SLC25A36: variants seen among roughly 807,000 people sequenced by gnomAD.
The protein encoded by SLC25A36 is epididymis secretory sperm binding protein.
In SLC25A36, 24 loss-of-function variants were observed where a neutral mutation model predicts 35.3. The ratio of observed to expected loss-of-function variants is 0.68; its 90% confidence interval spans 0.49 to 0.96. The LOEUF is 0.96. SLC25A36 is among the 40% of genes least tolerant of loss of function. The pLI is 0.00. For synonymous variants in SLC25A36, 141 were observed against 132.2 expected, an observed-to-expected ratio of 1.07 and a Z score of -0.46; for missense variants, 294 against 381.1, an observed-to-expected ratio of 0.77 and a Z score of 1.90.
intron 3 of SLC25A36, among the ~76,000 whole-genome samples, chr3:140,962,902 G>A (rs1934666474): frequency 6.6e-6 from 1 of 151,698 alleles, no homozygotes. Context: ...TCTGTTTGAG[G>A]ATGAATGGTA....
At chr3:140,975,621 A>G (rs933988460) in intron 6 of SLC25A36, among the ~76,000 whole-genome samples, 6 of 152,198 alleles carry the variant, frequency 3.9e-5, no homozygotes, top group African/African-American at 1.4e-4. Context: ...CAACTGGCCA[A>G]AATTTCTCAG....
At chr3:140,966,626 A>G (rs909416700) in intron 4 of SLC25A36, among the ~76,000 whole-genome samples, 6 of 151,650 alleles carry the variant, frequency 4.0e-5, no homozygotes, top group African/African-American at 1.5e-4. Context: ...ATGGGAGATG[A>G]TGATCCCCTC....
chr3:140,964,695 G>C (rs1259357263), intron 4 of SLC25A36: 2 of 151,742 alleles, frequency 1.3e-5, no homozygotes, highest in African/African-American at 4.8e-5. Context: ...TATAACCTCA[G>C]ATAATTATAA....
rs1311430176 is a variant in SLC25A36 at position 140,976,402 on chromosome 3, A to G, written c.885A>G (p.Thr295=). The G allele has an allele frequency of 1.9e-6, 3 of 1,613,854 alleles. No individual in the cohort carries two copies. Among genetic ancestry groups the G allele is most frequent in the East Asian group, 2.2e-5 (1 of 44,864 alleles). Residue 295 remains threonine (T), a synonymous_variant, in exon 7 of 7, where the codon ACA becomes ACG. Transcript: ENST00000324194. ...TTHLVRQIPN[T]AIMMATYELV... is the part of the protein sequence containing the mutation. ...ATCTAGTGAGACAGATTCCAAACAC[A>G]GCCATTATGATGGCCACCTATGAAT...
chr3:140,948,754 A>G (rs902909619), intron 1 of SLC25A36, among the ~76,000 whole-genome samples: 1 of 152,176 alleles, frequency 6.6e-6, no homozygotes, highest in African/African-American at 2.4e-5. Flanking sequence ...TTGAGGACAT[A>G]TATCTAACAG....
chr3:140,947,374 A>G (rs1559809502), intron 1 of SLC25A36, among the ~76,000 whole-genome samples: 1 of 151,930 alleles, frequency 6.6e-6, no homozygotes. Flanking sequence ...CCTATAATGG[A>G]TTTTTTTTAT....
chr3:140,967,653 A>G (rs2107807961), intron 4 of SLC25A36, among the ~76,000 whole-genome samples: 1 of 152,116 alleles, frequency 6.6e-6, no homozygotes. Context: ...ATTTTCAGCA[A>G]GTTTAAGCAG....
rs1399415191 is a variant in SLC25A36, at chr3:140,960,089, T to C, written c.284+549T>C. 2.0e-5 allele frequency among the ~76,000 whole-genome samples: 3 copies of C among 152,164 alleles called. No homozygotes were observed. The East Asian group carries it at 5.8e-4, about 29-fold the overall frequency. On this transcript the variant is annotated intron_variant, in intron 3 of 6. Coordinates refer to ENST00000324194, the MANE Select transcript of SLC25A36 (RefSeq NM_001104647.3). The stretch of plus-strand genomic sequence containing the variant: ...ACTAGGAGATATAAAATTACTAATA[T>C]TTGCAGGATAAATGGAAATACTCTC...
At chr3:140,967,851 C>A in intron 4 of SLC25A36, 1 of 354,058 alleles carries the variant, frequency 2.8e-6, no homozygotes, top group Non-Finnish European at 3.9e-6. Context: ...AATATTAGTT[C>A]TTCTTAACTT....
At chr3:140,958,950 A>T (rs1934551477) in intron 2 of SLC25A36, among the ~76,000 whole-genome samples, 2 of 149,016 alleles carry the variant, frequency 1.3e-5, no homozygotes, top group South Asian at 4.2e-4. Context: ...TGTCATGAAA[A>T]AACAATGTTT....
intron 6 of SLC25A36, 101 bp from the exon 7 acceptor site, chr3:140,976,159 C>G (rs1010401689): frequency 1.7e-5 from 13 of 777,730 alleles, no homozygotes; most frequent in Admixed American, 1.6e-4. Flanking sequence ...CTTTTTTATC[C>G]TGAGCTTACA....
chr3:140,969,470 CTT>C (rs1297977594), intron 4 of SLC25A36, among the ~76,000 whole-genome samples: 1 of 151,746 alleles, frequency 6.6e-6, no homozygotes, highest in Non-Finnish European at 1.5e-5. Context: ...AATATATAAT[CTT>C]TATAAAAGTA....
chr3:140,949,504 A>G (rs1407597554), intron 1 of SLC25A36, among the ~76,000 whole-genome samples: 1 of 152,220 alleles, frequency 6.6e-6, no homozygotes, highest in Non-Finnish European at 1.5e-5. Flanking sequence ...TGACTCACCA[A>G]GCGATCTTGG....
At chr3:140,953,629 T>G (rs151278889) in intron 1 of SLC25A36, among the ~76,000 whole-genome samples, 1 of 152,196 alleles carries the variant, frequency 6.6e-6, no homozygotes, top group African/African-American at 2.4e-5. Flanking sequence ...TATTGACTTT[T>G]GGCAGATGTA....
chr3:140,969,080 G>A (rs924355042), intron 4 of SLC25A36, among the ~76,000 whole-genome samples: 2 of 151,854 alleles, frequency 1.3e-5, no homozygotes, highest in Non-Finnish European at 3.0e-5. Context: ...TACAAAACAA[G>A]AATCATTAAA....
chr3:140,974,678 T>G (rs956719084), intron 6 of SLC25A36, among the ~76,000 whole-genome samples: 1 of 152,196 alleles, frequency 6.6e-6, no homozygotes, highest in Non-Finnish European at 1.5e-5. Flanking sequence ...CTTTTTTGGT[T>G]GTTTTAAGTG....
intron 1 of SLC25A36, among the ~76,000 whole-genome samples, chr3:140,954,138 C>T (rs1363813969): frequency 1.3e-5 from 2 of 152,178 alleles, no homozygotes; most frequent in East Asian, 1.9e-4. Flanking sequence ...GTTTGCTTAA[C>T]GAGGGGGATA....
At chr3:140,975,368 G>T (rs1177004602) in intron 6 of SLC25A36, among the ~76,000 whole-genome samples, 2 of 151,912 alleles carry the variant, frequency 1.3e-5, no homozygotes. Context: ...CGGCCTCCCA[G>T]AATGCTAGTC....
rs1935134942 is a variant in SLC25A36 at position 140,979,482 on chromosome 3, T to G, written c.*3029T>G. 6.6e-6 allele frequency: 1 copy of G among 152,184 alleles called. No individual in the cohort carries two copies. The highest frequency in any genetic ancestry group is 6.5e-5 in the Admixed American group (1 of 15,284). 9.4% of individuals were successfully genotyped at this position (152,184 alleles called of 1,614,324 possible). On this transcript the variant is annotated 3_prime_UTR_variant, in exon 7 of 7. Coordinates refer to ENST00000324194, the MANE Select transcript of SLC25A36 (RefSeq NM_001104647.3). ...CCCCTTTGGAGCTGATAAGTACAGT[T>G]CAGCCTTTTCTCCTCAAATATATAA...
Sources: allele counts gnomAD v4.1 joint callset (sites outside exome capture counted in the v4.1 genomes callset), GRCh38; gene constraint gnomAD v4.1.1; transcripts MANE v1.5; gene names NCBI Gene and HGNC (gene_info 2026-07-23, HGNC 2026-07-21).